The following WDFY4 variants were observed in gnomAD, a reference collection of about 807,000 sequenced individuals.
The protein encoded by WDFY4 is WD repeat- and FYVE domain-containing protein 4.
In WDFY4, 169 loss-of-function variants were observed where a neutral mutation model predicts 351.9. That is an observed-to-expected ratio of 0.48 (90% confidence interval 0.42 to 0.55). The LOEUF is 0.55. Ranked by LOEUF, WDFY4 falls within the 20% of genes least tolerant of loss-of-function variation. The probability of loss-of-function intolerance (pLI) is 0.00; values close to 1 mark genes in which losing one functional copy is unlikely to be tolerated. For missense variants in WDFY4, 3,803 were observed against 3,935.6 expected (o/e 0.97, Z 0.90); for synonymous variants, 1,622 against 1,574.6 (o/e 1.03, Z -0.71).
rs990165361 is a variant in WDFY4, at chr10:48,974,936, C to T, written c.9003C>T (p.Ser3001=). The change falls in exon 58 of 62, where the codon TCC becomes TCT. Residue 3001 remains serine (S), a synonymous_variant. Coordinates refer to ENST00000325239, the MANE Select transcript of WDFY4 (RefSeq NM_001394531.1). ...SVTFSLLVSG[S]QDCTCILWDL... is the part of the protein sequence containing the mutation. Reference sequence around the variant, plus strand: ...CCTTCAGCCTCCTGGTGAGCGGCTCCCAGGACTGCACCTGTATCCTGTGGG... The same window carrying T: ...CCTTCAGCCTCCTGGTGAGCGGCTCTCAGGACTGCACCTGTATCCTGTGGG... The T allele has an allele frequency of 6.4e-7, 1 of 1,551,690 alleles. No homozygotes were observed. Among genetic ancestry groups the T allele is most frequent in the Non-Finnish European group, 8.7e-7 (1 of 1,146,994 alleles).
In WDFY4 at chr10:48,897,632, G is replaced by A. The variant is rs1837151274; in HGVS notation, c.7437+58G>A. The A allele has an allele frequency of 6.5e-6, 10 of 1,527,146 alleles. No individual in the cohort carries two copies. The South Asian group carries it at 1.1e-4, about 17-fold the overall frequency. 94.6% of individuals were successfully genotyped at this position (1,527,146 alleles called of 1,614,324 possible). A position where few individuals can be genotyped will look rare whatever the true frequency, so the allele number is the denominator to read the frequency against. On this transcript the variant is annotated intron_variant, in intron 45 of 61. Transcript: ENST00000325239. ...CTGCGAGAGGCAGGGCCATGGGACA[G>A]GTGGTCCAGGAGCCATCCAGAGACA...
intron 26 of WDFY4, among the ~76,000 whole-genome samples, chr10:48,805,797 T>C (rs116767795): frequency 0.017 from 2,583 of 152,312 alleles, 66 homozygotes; most frequent in African/African-American, 0.058. Context: ...CACTATCTAA[T>C]TGATCAGGTA....
At chr10:48,773,855 C>A (rs1241757470) in intron 13 of WDFY4, among the ~76,000 whole-genome samples, 2 of 152,184 alleles carry the variant, frequency 1.3e-5, no homozygotes, top group African/African-American at 4.8e-5. Flanking sequence ...AGTGGTACTT[C>A]TTTTAGTCTT....
intron 32 of WDFY4, 87 bp from the exon 33 acceptor site, chr10:48,820,144 CAAT>C: frequency 7.2e-7 from 1 of 1,391,290 alleles, no homozygotes; most frequent in Non-Finnish European, 9.9e-7. Context: ...CTGGGCATGA[CAAT>C]AATCCGCCCA....
chr10:48,721,734 A>G (rs1264551201), intron 4 of WDFY4, among the ~76,000 whole-genome samples: 1 of 152,168 alleles, frequency 6.6e-6, no homozygotes, highest in Non-Finnish European at 1.5e-5. Context: ...TGTCCCAGAC[A>G]TCGTCAGTTA....
chr10:48,976,696 C>A, intron 58 of WDFY4, 101 bp from the exon 59 acceptor site: 1 of 1,118,656 alleles, frequency 8.9e-7, no homozygotes, highest in South Asian at 3.3e-5. Flanking sequence ...CAGAGCATGA[C>A]AGATTGAGAG....
intron 39 of WDFY4, among the ~76,000 whole-genome samples, chr10:48,857,763 T>C (rs1018313040): frequency 3.3e-5 from 5 of 152,154 alleles, no homozygotes; most frequent in Admixed American, 3.3e-4. Flanking sequence ...TTGTACATTT[T>C]CTGATGATAT....
At chr10:48,834,303 T>C (rs527597209) in intron 39 of WDFY4, among the ~76,000 whole-genome samples, 1 of 152,110 alleles carries the variant, frequency 6.6e-6, no homozygotes, top group East Asian at 1.9e-4. Context: ...GGCTTTTCAG[T>C]CATTAAATGT....
At chr10:48,981,783 T>C (rs1187922855) in intron 61 of WDFY4, among the ~76,000 whole-genome samples, 3 of 152,254 alleles carry the variant, frequency 2.0e-5, no homozygotes, top group Non-Finnish European at 4.4e-5. Context: ...AATTTTATCC[T>C]AAAGAGAGCC....
chr10:48,963,898 T>G lies in WDFY4; in HGVS notation c.8280T>G (p.Phe2760Leu), dbSNP rs2131807472. ...TCCACCATTGGATAGACCTTATTTT[T>G]GGGTACAAGCAGCAGGGGCCAGCCG... is the stretch of plus-strand genomic sequence containing the variant. ...ANLHHWIDLI[F>L]GYKQQGPAAV... Residue 2760 changes from phenylalanine (F) to leucine (L), a missense_variant, in exon 54 of 62, where the codon TTT becomes TTG. Around this residue, in one of 3 missense-constraint regions of WDFY4, gnomAD observed 3,054 missense variants for 3,148.6 expected, o/e 0.97. Transcript: ENST00000325239. 4 of 1,551,584 alleles carry G rather than the reference T, an allele frequency of 2.6e-6. No homozygotes were observed. The highest frequency in any genetic ancestry group is 1.2e-5 in the South Asian group (1 of 84,048).
chr10:48,810,537 G>A lies in WDFY4; in HGVS notation c.4846G>A (p.Glu1616Lys). The change falls in exon 29 of 62, where the codon GAA becomes AAA. Residue 1616 changes from glutamate (E) to lysine (K), a missense_variant. Around this residue, in one of 3 missense-constraint regions of WDFY4, gnomAD observed 3,054 missense variants for 3,148.6 expected, o/e 0.97. Coordinates refer to ENST00000325239, the MANE Select transcript of WDFY4 (RefSeq NM_001394531.1). ...GCATTTATTAATCCCCAGGTCAAAG[G>A]AAGAGATGTTTCTGAAACTGGGGCC... ...PQLHLSSESK[E>K]EMFLKLGPDW... is the part of the protein sequence containing the mutation. 1 of 1,551,324 alleles carries A rather than the reference G, an allele frequency of 6.4e-7. No individual in the cohort carries two copies. Among genetic ancestry groups the A allele is most frequent in the South Asian group, 1.2e-5 (1 of 84,008 alleles).
chr10:48,814,090 C>T lies in WDFY4; in HGVS notation c.5340+8C>T. On this transcript the variant is annotated splice_region_variant and intron_variant, in intron 31 of 61. Transcript: ENST00000325239. ...AAGGCCACCATGAGCCAGGTGAGACCCATTCCCCACATGCTGCCCCGAGGA... is the reference window on the plus strand; with the variant it reads ...AAGGCCACCATGAGCCAGGTGAGACTCATTCCCCACATGCTGCCCCGAGGA... 2 of 1,536,952 alleles carry T rather than the reference C, an allele frequency of 1.3e-6. No homozygotes were observed. Among genetic ancestry groups the T allele is most frequent in the Non-Finnish European group, 1.8e-6 (2 of 1,138,438 alleles).
At chr10:48,911,932 T>C (rs3860191) in intron 47 of WDFY4, among the ~76,000 whole-genome samples, 61,682 of 152,124 alleles carry the variant, frequency 0.41, 12,989 homozygotes, top group East Asian at 0.72. Flanking sequence ...AAATGAAATG[T>C]GCTGTGTGCT....
chr10:48,930,331 C>T (rs2133675629), intron 47 of WDFY4, among the ~76,000 whole-genome samples: 1 of 152,324 alleles, frequency 6.6e-6, no homozygotes, highest in Middle Eastern at 3.4e-3. Flanking sequence ...TTGTCACTTG[C>T]ATACTAAATA....
intron 12 of WDFY4, among the ~76,000 whole-genome samples, chr10:48,757,077 G>A (rs1390605940): frequency 1.3e-5 from 2 of 152,068 alleles, no homozygotes; most frequent in Non-Finnish European, 2.9e-5. Context: ...TTCTTTGTGG[G>A]CAGGTTTTTA....
At chr10:48,869,891 C>CT (rs1157760186) in intron 40 of WDFY4, among the ~76,000 whole-genome samples, 1 of 152,138 alleles carries the variant, frequency 6.6e-6, no homozygotes. Context: ...TATCACAGCT[C>CT]TGTCAGTTAA....
chr10:48,749,132 A>G (rs1283211097), intron 12 of WDFY4, among the ~76,000 whole-genome samples: 1 of 152,186 alleles, frequency 6.6e-6, no homozygotes, highest in East Asian at 1.9e-4. Flanking sequence ...GCTTTTTACA[A>G]TGGACTATTC....
chr10:48,708,880 T>C (rs1229395051), intron 1 of WDFY4, among the ~76,000 whole-genome samples: 4 of 152,184 alleles, frequency 2.6e-5, no homozygotes, highest in Non-Finnish European at 5.9e-5. Context: ...AGACCCATCA[T>C]AGAAGGAAGT....
At chr10:48,733,705 C>T (rs577673859) in intron 9 of WDFY4, among the ~76,000 whole-genome samples, 12 of 152,278 alleles carry the variant, frequency 7.9e-5, no homozygotes, top group Non-Finnish European at 1.2e-4. Context: ...CATGGGGCTC[C>T]GGGTTTTAAC....
Sources: allele counts gnomAD v4.1 joint callset (sites outside exome capture counted in the v4.1 genomes callset), GRCh38; gene constraint gnomAD v4.1.1; regional missense constraint gnomAD v4.1.1; transcripts MANE v1.5; gene names NCBI Gene and HGNC (gene_info 2026-07-23, HGNC 2026-07-21).